The following EML4 variants were observed in gnomAD, a reference collection of about 807,000 sequenced individuals.
EML4 encodes echinoderm microtubule-associated protein-like 4.
A neutral mutation model predicts 129.0 loss-of-function variants in EML4; 72 were observed. The ratio of observed to expected loss-of-function variants is 0.56; its 90% confidence interval spans 0.46 to 0.68. EML4 has a LOEUF of 0.68. Among genes scored for constraint, EML4 ranks in the 30% least tolerant of loss-of-function variants. The pLI is 0.00. For missense variants in EML4, 1,363 were observed against 1,190.6 expected, an observed-to-expected ratio of 1.14 and a Z score of -2.13; for synonymous variants, 532 against 405.0, an observed-to-expected ratio of 1.31 and a Z score of -3.77.
chr2:42,294,399 TAAAC>T (rs1450398008), intron 11 of EML4, among the ~76,000 whole-genome samples: 1 of 152,234 alleles, frequency 6.6e-6, no homozygotes, highest in African/African-American at 2.4e-5. Context: ...TCCTAATCTC[TAAAC>T]ATTTTGTTGA....
At chr2:42,263,071 T>C (rs1665834256) in intron 4 of EML4, 107 bp from the exon 5 acceptor site, 3 of 912,512 alleles carry the variant, frequency 3.3e-6, no homozygotes, top group Non-Finnish European at 5.0e-6. Context: ...CTTTTCTGGA[T>C]TAGCTTTAAG....
Position 42,169,381 on chromosome 2 carries a change from G to C in EML4, c.-231G>C. On this transcript the variant is annotated 5_prime_UTR_variant, in exon 1 of 23. Transcript: ENST00000318522. ...GCGCTCGCGGCTGCTGCCTGGGAGGGAGGCCGGGCAGGCGGCTGAGCGGCG... is the reference window on the plus strand; with the variant it reads ...GCGCTCGCGGCTGCTGCCTGGGAGGCAGGCCGGGCAGGCGGCTGAGCGGCG... 3.4e-6 allele frequency: 1 copy of C among 295,242 alleles called. No homozygotes were observed. The highest frequency in any genetic ancestry group is 6.3e-6 in the Non-Finnish European group (1 of 159,220). The allele number at this position is 295,242 out of a possible 1,614,324, so 18.3% of individuals were successfully genotyped here.
intron 11 of EML4, among the ~76,000 whole-genome samples, chr2:42,293,831 G>T (rs1667794424): frequency 6.6e-6 from 1 of 152,140 alleles, no homozygotes; most frequent in Admixed American, 6.5e-5. Flanking sequence ...GGCTGATCTT[G>T]AACTCCTGAC....
intron 2 of EML4, among the ~76,000 whole-genome samples, chr2:42,248,813 G>C (rs547674276): frequency 2.0e-5 from 3 of 152,218 alleles, no homozygotes; most frequent in Admixed American, 6.5e-5. Flanking sequence ...GAAATGGTTT[G>C]ATGGGGGTAT....
chr2:42,277,902 G>C (rs1558567257), intron 6 of EML4, among the ~76,000 whole-genome samples: 1 of 152,264 alleles, frequency 6.6e-6, no homozygotes, highest in East Asian at 1.9e-4. Context: ...AGAAATACTT[G>C]CAGACATTCA....
chr2:42,315,996 G>C lies in EML4; in HGVS notation c.2002G>C (p.Val668Leu), dbSNP rs1367027894. 10 of 1,613,532 alleles carry C rather than the reference G, an allele frequency of 6.2e-6. No homozygotes were observed. Among genetic ancestry groups the C allele is most frequent in the Non-Finnish European group, 8.5e-6 (10 of 1,179,730 alleles). ...FVLDAETRDL[V>L]SIHTDGNEQL... ...TCTGGATGCAGAAACCAGAGATCTA[G>C]TTTCTATCCACACAGACGGGAATGA... is the stretch of plus-strand genomic sequence containing the variant. The change falls in exon 18 of 23, where the codon GTT (valine) becomes CTT (leucine). Residue 668 changes from valine to leucine, a missense_variant. Physicochemically the swap from Val to Leu is conservative, Grantham distance 32. Coordinates refer to ENST00000318522, the MANE Select transcript of EML4 (RefSeq NM_019063.5).
At chr2:42,224,744 G>A (rs1402539627) in intron 1 of EML4, among the ~76,000 whole-genome samples, 1 of 152,066 alleles carries the variant, frequency 6.6e-6, no homozygotes, top group Non-Finnish European at 1.5e-5. Flanking sequence ...CTGATGGTGT[G>A]AAGTGGCATC....
chr2:42,264,938 A>G (rs1665970383), intron 6 of EML4: 1 of 1,550,494 alleles, frequency 6.4e-7, no homozygotes, highest in Non-Finnish European at 8.7e-7. Flanking sequence ...CAACTCGCGA[A>G]AAAAACAGCC....
At chr2:42,272,028 G>A (rs537359863) in intron 6 of EML4, among the ~76,000 whole-genome samples, 10 of 150,604 alleles carry the variant, frequency 6.6e-5, no homozygotes, top group Non-Finnish European at 1.0e-4. Flanking sequence ...GCTTGAACCC[G>A]GGAGGCGGAG....
Position 42,329,925 on chromosome 2 carries a change from C to A in EML4, c.2664C>A (p.Ser888=). Residue 888 remains serine (S), a synonymous_variant, in exon 23 of 23, where the codon TCC becomes TCA. Coordinates refer to ENST00000318522, the MANE Select transcript of EML4 (RefSeq NM_019063.5). ...DTTLTKAPVS[S]TESVIQSNTP... is the part of the protein sequence containing the mutation. The stretch of plus-strand genomic sequence containing the variant: ...CTCTAACCAAAGCCCCCGTCTCTTC[C>A]ACTGAAAGTGTCATCCAATCTAATA... 6.2e-7 allele frequency: 1 copy of A among 1,614,062 alleles called. No individual in the cohort carries two copies. The highest frequency in any genetic ancestry group is 8.5e-7 in the Non-Finnish European group (1 of 1,180,028).
intron 1 of EML4, among the ~76,000 whole-genome samples, chr2:42,241,661 C>G (rs186496096): frequency 5.3e-5 from 8 of 152,106 alleles, no homozygotes; most frequent in Admixed American, 4.6e-4. Context: ...AAGCCCCTTG[C>G]GTGGCTTTGT....
intron 1 of EML4, among the ~76,000 whole-genome samples, chr2:42,191,831 G>A (rs868019687): frequency 4.0e-5 from 6 of 151,806 alleles, no homozygotes; most frequent in African/African-American, 4.8e-5. Flanking sequence ...AGGCTGAGGC[G>A]GGCGGATCAC....
At chr2:42,329,465 A>C (rs1201033335) in intron 22 of EML4, among the ~76,000 whole-genome samples, 1 of 152,248 alleles carries the variant, frequency 6.6e-6, no homozygotes, top group Non-Finnish European at 1.5e-5. Context: ...ACCAACATCT[A>C]GAAGAGACAG....
chr2:42,280,474 A>G (rs898266113), intron 6 of EML4, among the ~76,000 whole-genome samples: 12 of 152,228 alleles, frequency 7.9e-5, no homozygotes, highest in African/African-American at 2.4e-4. Flanking sequence ...GGGGAAAAAA[A>G]TTGTCTGTTA....
chr2:42,173,389 T>C (rs1332689410), intron 1 of EML4, among the ~76,000 whole-genome samples: 1 of 152,196 alleles, frequency 6.6e-6, no homozygotes. Context: ...GTAGTAACTC[T>C]TAAATGGTTA....
intron 1 of EML4, among the ~76,000 whole-genome samples, chr2:42,221,974 G>A (rs1357612812): frequency 2.6e-5 from 4 of 151,982 alleles, no homozygotes; most frequent in South Asian, 2.1e-4. Context: ...GGGCTCAAGC[G>A]ATTTGCCTGC....
intron 2 of EML4, among the ~76,000 whole-genome samples, chr2:42,247,079 T>G (rs1675453427): frequency 6.6e-6 from 1 of 152,184 alleles, no homozygotes; most frequent in Non-Finnish European, 1.5e-5. Flanking sequence ...TAATTACTTT[T>G]TAAAATTTGT....
At chr2:42,175,842 T>C (rs960876140) in intron 1 of EML4, among the ~76,000 whole-genome samples, 2 of 152,184 alleles carry the variant, frequency 1.3e-5, no homozygotes, top group Non-Finnish European at 1.5e-5. Flanking sequence ...GAAAGAAGAA[T>C]AGAAAAATAA....
At chr2:42,178,888 T>G (rs992532789) in intron 1 of EML4, among the ~76,000 whole-genome samples, 1 of 152,178 alleles carries the variant, frequency 6.6e-6, no homozygotes, top group Non-Finnish European at 1.5e-5. Flanking sequence ...ACTTTAAAAT[T>G]TATATGATTG....
Sources: allele counts gnomAD v4.1 joint callset (sites outside exome capture counted in the v4.1 genomes callset), GRCh38; gene constraint gnomAD v4.1.1; transcripts MANE v1.5; gene names NCBI Gene and HGNC (gene_info 2026-07-23, HGNC 2026-07-21).